UBE2H: variants seen among roughly 807,000 people sequenced by gnomAD.
UBE2H encodes ubiquitin-conjugating enzyme E2 H.
UBE2H carries 3 observed loss-of-function variants against 29.0 expected under a neutral mutation model. That is an observed-to-expected ratio of 0.10 (90% CI 0.05 to 0.27). The LOEUF (loss-of-function observed/expected upper bound fraction) is 0.27. Ranked by LOEUF, UBE2H falls within the 10% of genes least tolerant of loss-of-function variation. The pLI is 1.00. For synonymous variants in UBE2H, 69 were observed against 82.9 expected (o/e 0.83, Z 0.91); for missense variants, 68 against 228.2 (o/e 0.30, Z 4.52).
intron 1 of UBE2H, among the ~76,000 whole-genome samples, chr7:129,947,421 T>C (rs185793316): frequency 6.6e-6 from 1 of 152,152 alleles, no homozygotes; most frequent in African/African-American, 2.4e-5. Context: ...AGGTTCCCAA[T>C]TGACACTAGA....
At chr7:129,849,303 C>G (rs538888393) in intron 5 of UBE2H, among the ~76,000 whole-genome samples, 1 of 152,198 alleles carries the variant, frequency 6.6e-6, no homozygotes. Flanking sequence ...TTGAGCCGGG[C>G]GCAGTGGCTC....
chr7:129,933,073 C>T (rs996184157), intron 1 of UBE2H, among the ~76,000 whole-genome samples: 2 of 152,148 alleles, frequency 1.3e-5, no homozygotes, highest in Non-Finnish European at 2.9e-5. Context: ...AAATATAACA[C>T]TAAACTTCAG....
chr7:129,839,431 T>C, intron 5 of UBE2H, 96 bp from the exon 6 acceptor site: 1 of 1,540,358 alleles, frequency 6.5e-7, no homozygotes, highest in Non-Finnish European at 8.8e-7. Context: ...TCTTAGATAT[T>C]CACACGGGGA....
At position 129,836,879 on chromosome 7, in the gene UBE2H, C is replaced by CAAAAAAAAAAAAAAAAAAAAAAAAAAAA. The variant is rs61226846; in HGVS notation, c.428-1846_428-1819dup. Among the ~76,000 whole-genome samples the CAAAAAAAAAAAAAAAAAAAAAAAAAAAA allele has an allele frequency of 6.2e-4, 46 of 73,738 alleles. 2 individuals are homozygous for CAAAAAAAAAAAAAAAAAAAAAAAAAAAA. The highest frequency in any genetic ancestry group is 8.1e-4 in the Non-Finnish European group (31 of 38,360). The allele number at this position is 73,738 out of a possible 152,430, so 48.4% of individuals were successfully genotyped here. A position where few individuals can be genotyped will look rare whatever the true frequency, so the allele number is the denominator to read the frequency against. On this transcript the variant is annotated intron_variant, in intron 6 of 6. Coordinates refer to ENST00000355621, the MANE Select transcript of UBE2H (RefSeq NM_003344.4). ...TAGGCGACAGGGCAAGACTCCGTCTCAAAAAAAAAAAAAAAAAAAAAAAAA... is the reference window on the plus strand; with the variant it reads ...TAGGCGACAGGGCAAGACTCCGTCTCAAAAAAAAAAAAAAAAAAAAAAAAAAAAAAAAAAAAAAAAAAAAAAAAAAAAA...
At chr7:129,877,035 A>G (rs1053500152) in intron 3 of UBE2H, among the ~76,000 whole-genome samples, 3 of 152,210 alleles carry the variant, frequency 2.0e-5, no homozygotes, top group Admixed American at 6.5e-5. Flanking sequence ...GACACCCTTT[A>G]AGGGATAAGA....
At chr7:129,852,769 A>G (rs1038222866) in intron 5 of UBE2H, among the ~76,000 whole-genome samples, 19 of 151,876 alleles carry the variant, frequency 1.3e-4, no homozygotes, top group Non-Finnish European at 2.4e-4. Flanking sequence ...CTTATTGCCC[A>G]GGCTGGAGTG....
chr7:129,948,949 T>G (rs966914236), intron 1 of UBE2H: 2 of 455,966 alleles, frequency 4.4e-6, no homozygotes, highest in South Asian at 3.1e-5. Context: ...CACACTCTCT[T>G]GTCACATACT....
chr7:129,941,589 TATTA>T (rs1367281947), intron 1 of UBE2H, among the ~76,000 whole-genome samples: 1 of 151,836 alleles, frequency 6.6e-6, no homozygotes, highest in Non-Finnish European at 1.5e-5. Context: ...CTGTCAGTAA[TATTA>T]ATTTTTTTTG....
chr7:129,889,600 C>T (rs1434553408), intron 1 of UBE2H, among the ~76,000 whole-genome samples: 1 of 152,154 alleles, frequency 6.6e-6, no homozygotes, highest in Non-Finnish European at 1.5e-5. Flanking sequence ...ATGTATTTTA[C>T]TTTTATCTCC....
intron 1 of UBE2H, among the ~76,000 whole-genome samples, chr7:129,918,864 C>T (rs531554956): frequency 4.6e-5 from 7 of 152,206 alleles, no homozygotes; most frequent in African/African-American, 1.7e-4. Context: ...AGGTAGATCA[C>T]TTGAGCCCGG....
rs1370172818 is a variant in UBE2H at position 129,859,023 on chromosome 7, T to C, written c.206-82A>G. 25 of 1,155,428 alleles carry C rather than the reference T, an allele frequency of 2.2e-5. No homozygotes were observed. In the South Asian group the frequency reaches 2.8e-4, roughly 13 times the overall value. 71.6% of individuals were successfully genotyped at this position (1,155,428 alleles called of 1,614,324 possible). ...TTCAGTACTGGAAACAATTTCAGTA[T>C]TGGGAAAAGGTGATAATACTTATAA... On this transcript the variant is annotated intron_variant, in intron 3 of 6. Transcript: ENST00000355621.
chr7:129,849,858 CAT>C (rs1297548718), intron 5 of UBE2H, among the ~76,000 whole-genome samples: 1 of 152,202 alleles, frequency 6.6e-6, no homozygotes, highest in Non-Finnish European at 1.5e-5. Flanking sequence ...GAGAGGGTCT[CAT>C]GTGTGGAGAA....
chr7:129,839,340 A>G lies in UBE2H; in HGVS notation c.299-5T>C. On this transcript the variant is annotated splice_polypyrimidine_tract_variant and splice_region_variant and intron_variant, in intron 5 of 6. Coordinates refer to ENST00000355621, the MANE Select transcript of UBE2H (RefSeq NM_003344.4). ...ACTCAAATATATTGGTAAGATCTGA[A>G]AAACCAAACAAACATGTCACACATG... 6.2e-7 allele frequency: 1 copy of G among 1,612,658 alleles called. No individual in the cohort carries two copies. The highest frequency in any genetic ancestry group is 8.5e-7 in the Non-Finnish European group (1 of 1,179,478).
chr7:129,949,281 T>C (rs745586381), intron 1 of UBE2H, among the ~76,000 whole-genome samples: 1 of 152,138 alleles, frequency 6.6e-6, no homozygotes, highest in Non-Finnish European at 1.5e-5. Flanking sequence ...TCTCAGACAA[T>C]CTAAATAATC....
At chr7:129,864,061 G>T (rs75485697) in intron 3 of UBE2H, among the ~76,000 whole-genome samples, 1 of 152,094 alleles carries the variant, frequency 6.6e-6, no homozygotes, top group African/African-American at 2.4e-5. Context: ...CAAAAGTGTG[G>T]GGAATTACAG....
intron 5 of UBE2H, among the ~76,000 whole-genome samples, chr7:129,847,006 A>AATTATT (rs748391223): frequency 6.7e-5 from 10 of 148,688 alleles, no homozygotes; most frequent in Non-Finnish European, 1.0e-4. Flanking sequence ...GTCATCCTAT[A>AATTATT]ATTATTATTA....
intron 1 of UBE2H, among the ~76,000 whole-genome samples, chr7:129,920,289 T>C (rs536007422): frequency 6.6e-6 from 1 of 152,302 alleles, no homozygotes; most frequent in South Asian, 2.1e-4. Flanking sequence ...AATACATTTC[T>C]TACTGTGTCT....
At chr7:129,883,044 C>T (rs564544162) in intron 1 of UBE2H, among the ~76,000 whole-genome samples, 45 of 151,952 alleles carry the variant, frequency 3.0e-4, no homozygotes, top group Non-Finnish European at 4.9e-4. Flanking sequence ...GTCAAGAAAA[C>T]GGAAATGGGT....
chr7:129,949,120 G>A, intron 1 of UBE2H: 1 of 441,620 alleles, frequency 2.3e-6, no homozygotes, highest in Non-Finnish European at 4.6e-6. Context: ...ACAGATGAAA[G>A]GATCACCAGG....
Sources: gnomAD v4.1 joint callset for allele counts (sites outside exome capture counted in the v4.1 genomes callset) on GRCh38, gnomAD v4.1.1 for gene constraint, MANE v1.5 for transcripts, NCBI Gene and HGNC (gene_info 2026-07-23, HGNC 2026-07-21) for gene names.